HHAT: variants seen among roughly 807,000 people sequenced by gnomAD.
HHAT encodes the protein protein-cysteine N-palmitoyltransferase HHAT.
A neutral mutation model predicts 70.8 loss-of-function variants in HHAT; 47 were observed. The observed-to-expected ratio is 0.66, with a 90% CI of 0.53 to 0.85. HHAT has a LOEUF of 0.85. Among genes scored for constraint, HHAT ranks in the 40% least tolerant of loss-of-function variants. The pLI is 0.00. For missense variants in HHAT, 609 were observed against 604.8 expected (o/e 1.01, Z -0.07); for synonymous variants, 228 against 247.6 (o/e 0.92, Z 0.74).
At position 210,354,195 on chromosome 1, in the gene HHAT, C is replaced by CTTT. The variant is rs71146220; in HGVS notation, c.91+5154_91+5156dup. On this transcript the variant is annotated intron_variant, in intron 2 of 11. Coordinates refer to ENST00000261458, the MANE Select transcript of HHAT (RefSeq NM_018194.6). ...ACAAATAGATAACTAAACATAATGT[C>CTTT]TTTTTTTTTTTTTTTTTTTTTTTTT... Among the ~76,000 whole-genome samples, 100 of 102,584 alleles carry CTTT rather than the reference C, an allele frequency of 9.7e-4. 3 individuals are homozygous for CTTT. The highest frequency in any genetic ancestry group is 3.9e-3 in the African/African-American group (94 of 23,804). The allele number at this position is 102,584 out of a possible 152,430, so 67.3% of individuals were successfully genotyped here. A position where few individuals can be genotyped will look rare whatever the true frequency, so the allele number is the denominator to read the frequency against.
At chr1:210,534,580 A>T (rs1221492810) in intron 9 of HHAT, among the ~76,000 whole-genome samples, 3 of 152,090 alleles carry the variant, frequency 2.0e-5, no homozygotes, top group Non-Finnish European at 4.4e-5. Context: ...TGTCTAGGGG[A>T]TGGTACTGAA....
intron 11 of HHAT, among the ~76,000 whole-genome samples, chr1:210,648,769 T>G: frequency 6.6e-6 from 1 of 152,262 alleles, no homozygotes; most frequent in East Asian, 1.9e-4. Context: ...GCTGTATGTA[T>G]GCATGTGTGT....
rs1680963386 is a variant in HHAT at position 210,675,557 on chromosome 1, CA to C, written c.*1180del. ...AATTACAGGAGAATTTACAACATCT[CA>C]AGTACGTAAATTAAGTTGTCATTGA... On this transcript the variant is annotated 3_prime_UTR_variant, in exon 12 of 12. Transcript: ENST00000261458. 6.6e-6 allele frequency: 1 copy of C among 151,876 alleles called. No individual in the cohort carries two copies. Among genetic ancestry groups the C allele is most frequent in the African/African-American group, 2.4e-5 (1 of 41,322 alleles). The allele number at this position is 151,876 out of a possible 1,614,324, so 9.4% of individuals were successfully genotyped here.
intron 9 of HHAT, among the ~76,000 whole-genome samples, chr1:210,528,023 T>A (rs1470444656): frequency 3.3e-5 from 5 of 152,238 alleles, no homozygotes; most frequent in Non-Finnish European, 7.3e-5. Flanking sequence ...GAAACCCTAC[T>A]TGTTCTTGGA....
chr1:210,365,334 T>TTTTTTTTG (rs2088831097), intron 3 of HHAT, among the ~76,000 whole-genome samples: 1 of 147,398 alleles, frequency 6.8e-6, no homozygotes, highest in African/African-American at 2.5e-5. Flanking sequence ...TTTTTTTTTT[T>TTTTTTTTG]GAGACGGAGT....
Position 210,623,630 on chromosome 1 carries a change from T to C in HHAT, c.1350T>C (p.Asn450=). Residue 450 remains asparagine (N), a synonymous_variant, in exon 11 of 12, where the codon AAT becomes AAC. Coordinates refer to ENST00000261458, the MANE Select transcript of HHAT (RefSeq NM_018194.6). ...ILSNLVFLGG[N]EVGKTYWNRI... is the part of the protein sequence containing the mutation. ...CCAACCTGGTATTTCTTGGGGGCAA[T>C]GAGGTTGGGAAAACCTACTGGAATA... 1.2e-6 allele frequency: 2 copies of C among 1,614,024 alleles called. No individual in the cohort carries two copies. Among genetic ancestry groups the C allele is most frequent in the Non-Finnish European group, 1.7e-6 (2 of 1,179,974 alleles).
At chr1:210,465,943 TGAATTG>T (rs2094093492) in intron 8 of HHAT, among the ~76,000 whole-genome samples, 1 of 112,316 alleles carries the variant, frequency 8.9e-6, no homozygotes, top group African/African-American at 3.5e-5. Flanking sequence ...TTGCAAGGAA[TGAATTG>T]CAAGGAATTG....
At chr1:210,385,522 C>G (rs1572062858) in intron 3 of HHAT, among the ~76,000 whole-genome samples, 2 of 152,058 alleles carry the variant, frequency 1.3e-5, no homozygotes, top group East Asian at 1.9e-4. Flanking sequence ...TGGGCATGTC[C>G]CAGACTCTGG....
At chr1:210,585,409 A>G (rs920667727) in intron 9 of HHAT, among the ~76,000 whole-genome samples, 2 of 152,048 alleles carry the variant, frequency 1.3e-5, no homozygotes, top group Non-Finnish European at 2.9e-5. Flanking sequence ...AGACCTCAGT[A>G]TGGAACTGGA....
intron 9 of HHAT, among the ~76,000 whole-genome samples, chr1:210,537,818 G>C (rs1451054138): frequency 6.6e-6 from 1 of 152,222 alleles, no homozygotes; most frequent in African/African-American, 2.4e-5. Context: ...ACAGAACAAA[G>C]TGAAAAGCAA....
chr1:210,470,839 C>A (rs2094191823), intron 8 of HHAT, among the ~76,000 whole-genome samples: 1 of 152,168 alleles, frequency 6.6e-6, no homozygotes, highest in South Asian at 2.1e-4. Context: ...TACTTACTAG[C>A]TGATGACCTC....
chr1:210,621,844 C>A (rs1668896326), intron 10 of HHAT, among the ~76,000 whole-genome samples: 1 of 152,198 alleles, frequency 6.6e-6, no homozygotes, highest in Non-Finnish European at 1.5e-5. Flanking sequence ...ATCTCACTGT[C>A]CACTGCACAG....
chr1:210,537,508 G>A (rs1421458546), intron 9 of HHAT, among the ~76,000 whole-genome samples: 1 of 152,182 alleles, frequency 6.6e-6, no homozygotes, highest in Non-Finnish European at 1.5e-5. Context: ...GGGGAACACC[G>A]GATTGGGCCA....
At chr1:210,447,183 T>A (rs1034403828) in intron 7 of HHAT, among the ~76,000 whole-genome samples, 5 of 152,192 alleles carry the variant, frequency 3.3e-5, no homozygotes, top group African/African-American at 1.2e-4. Flanking sequence ...TCAGTGTACT[T>A]ATCTGTAAAA....
At chr1:210,521,019 A>C (rs1038762143) in intron 9 of HHAT, among the ~76,000 whole-genome samples, 6 of 152,228 alleles carry the variant, frequency 3.9e-5, no homozygotes, top group Admixed American at 2.6e-4. Flanking sequence ...AACCTCTGGC[A>C]TGGCCCTGAA....
At chr1:210,422,707 G>A (rs1451434059) in intron 7 of HHAT, among the ~76,000 whole-genome samples, 3 of 151,834 alleles carry the variant, frequency 2.0e-5, no homozygotes, top group African/African-American at 7.3e-5. Flanking sequence ...GCATGACCTC[G>A]GCTTACTGCA....
At chr1:210,419,796 A>G (rs2092839961) in intron 7 of HHAT, among the ~76,000 whole-genome samples, 1 of 152,236 alleles carries the variant, frequency 6.6e-6, no homozygotes, top group Non-Finnish European at 1.5e-5. Context: ...AGTTTTAATG[A>G]TACAATTAGA....
chr1:210,366,629 TAAAATC>T (rs1228192661), intron 3 of HHAT, among the ~76,000 whole-genome samples: 3 of 152,044 alleles, frequency 2.0e-5, no homozygotes, highest in Non-Finnish European at 4.4e-5. Context: ...TCTCTAAAAA[TAAAATC>T]AAAAACAAGA....
At chr1:210,500,915 T>G (rs2094739963) in intron 8 of HHAT, among the ~76,000 whole-genome samples, 1 of 152,152 alleles carries the variant, frequency 6.6e-6, no homozygotes, top group Admixed American at 6.5e-5. Context: ...GGGAAGTACC[T>G]CCCACACCAG....
Sources: allele counts gnomAD v4.1 joint callset (sites outside exome capture counted in the v4.1 genomes callset), GRCh38; gene constraint gnomAD v4.1.1; transcripts MANE v1.5; gene names NCBI Gene and HGNC (gene_info 2026-07-23, HGNC 2026-07-21).